Variants in MADD observed in about 807,000 individuals in gnomAD.
MADD encodes the protein MAP kinase-activating death domain protein.
A neutral mutation model predicts 176.7 loss-of-function variants in MADD; 109 were observed. That is an observed-to-expected ratio of 0.62 (90% CI 0.53 to 0.72). MADD has a LOEUF of 0.72. MADD is among the 30% of genes least tolerant of loss of function. The pLI is 0.00. For missense variants in MADD, 1,914 were observed against 2,045.5 expected (o/e 0.94, Z 1.24); for synonymous variants, 771 against 771.3 (o/e 1.00, Z 0.01).
intron 22 of MADD, among the ~76,000 whole-genome samples, chr11:47,300,973 A>G (rs923856437): frequency 7.5e-6 from 1 of 133,988 alleles, no homozygotes; most frequent in Non-Finnish European, 1.6e-5. Context: ...GTCAATTGTA[A>G]TGTTTACTTT....
At chr11:47,274,893 T>C (rs1427285917) in exon 3 of MADD, 3 of 1,613,930 alleles carry the variant, frequency 1.9e-6, no homozygotes, top group Non-Finnish European at 8.5e-7. Context: ...CAGAAGAGGG[T>C]GGCACTGAGA....
intron 22 of MADD, among the ~76,000 whole-genome samples, chr11:47,305,105 CAAG>C (rs2081549234): frequency 6.6e-6 from 1 of 152,092 alleles, no homozygotes. Context: ...TCCTTGGTGT[CAAG>C]GAGTTTTGGA....
intron 27 of MADD, among the ~76,000 whole-genome samples, chr11:47,318,653 C>T (rs1472531802): frequency 6.6e-6 from 1 of 152,158 alleles, no homozygotes; most frequent in African/African-American, 2.4e-5. Flanking sequence ...ATGCCTCTTC[C>T]TCGAAGTGGT....
intron 26 of MADD, 57 bp downstream of exon 29, chr11:47,311,899 C>A: frequency 9.1e-7 from 1 of 1,104,136 alleles, no homozygotes; most frequent in Non-Finnish European, 1.4e-6. Context: ...TGGTTTGTGT[C>A]ACTTGCAGTC....
exon 19 of MADD, chr11:47,290,743 A>G: frequency 6.2e-7 from 1 of 1,614,156 alleles, no homozygotes; most frequent in Non-Finnish European, 8.5e-7. Context: ...CTCGGGCACC[A>G]AGTGCCACAG....
At chr11:47,290,784 G>A in exon 19 of MADD, 1 of 1,613,004 alleles carries the variant, frequency 6.2e-7, no homozygotes. Context: ...GACACCAGAA[G>A]TTTAAAGGAA....
intron 7 of MADD, 87 bp from the exon 8 acceptor site, chr11:47,281,488 C>A: frequency 9.0e-7 from 1 of 1,111,774 alleles, no homozygotes; most frequent in Admixed American, 2.5e-5. Context: ...AGGTAGCAGA[C>A]CTTAGGAAGG....
rs562497719 is a variant in MADD at position 47,301,577 on chromosome 11, T to G, written c.3642+5522T>G. ...GATGTGACGTTTATTGCTATAAGCTTCTTTCTTAATACTGCTTTTGGTGTA... is the reference window on the plus strand; with the variant it reads ...GATGTGACGTTTATTGCTATAAGCTGCTTTCTTAATACTGCTTTTGGTGTA... On this transcript the variant is annotated intron_variant, in intron 22 of 32. Coordinates refer to ENST00000402192, the Ensembl canonical transcript of MADD. 2.0e-5 allele frequency among the ~76,000 whole-genome samples: 3 copies of G among 152,354 alleles called. No homozygotes were observed. The South Asian group carries it at 6.2e-4, about 32-fold the overall frequency.
At chr11:47,274,207 C>G (rs1342876971) in intron 2 of MADD, among the ~76,000 whole-genome samples, 2 of 152,178 alleles carry the variant, frequency 1.3e-5, no homozygotes, top group African/African-American at 2.4e-5. Context: ...CTCTTTATAC[C>G]TCAGTTTTCT....
At chr11:47,301,915 C>T (rs1475408876) in intron 22 of MADD, among the ~76,000 whole-genome samples, 1 of 152,140 alleles carries the variant, frequency 6.6e-6, no homozygotes, top group Non-Finnish European at 1.5e-5. Flanking sequence ...GTGTATTCTA[C>T]ACCTGTTGGA....
exon 3 of MADD, chr11:47,274,577 A>G (rs1274819256): frequency 4.3e-6 from 7 of 1,611,358 alleles, no homozygotes; most frequent in Non-Finnish European, 5.9e-6. Context: ...CCGAGCAGTG[A>G]TAGCGTGGCC....
intron 19 of MADD, among the ~76,000 whole-genome samples, chr11:47,292,166 T>C (rs901930749): frequency 6.6e-6 from 1 of 152,072 alleles, no homozygotes; most frequent in East Asian, 1.9e-4. Context: ...GTAGAGAGAG[T>C]GTGTGGCATG....
At chr11:47,319,128 TATA>T (rs1367315607) in intron 27 of MADD, among the ~76,000 whole-genome samples, 1 of 132,150 alleles carries the variant, frequency 7.6e-6, no homozygotes, top group Non-Finnish European at 1.6e-5. Context: ...TATATATATA[TATA>T]ATTTTTTTTT....
At chr11:47,294,089 C>CTTG (rs929949248) in intron 20 of MADD, 106 bp downstream of exon 22, 14 of 925,628 alleles carry the variant, frequency 1.5e-5, no homozygotes, top group Non-Finnish European at 2.0e-5. Flanking sequence ...GTGGCTCATG[C>CTTG]TTGTAATCCC....
chr11:47,306,402 T>C (rs375740950), intron 22 of MADD, among the ~76,000 whole-genome samples: 50 of 152,284 alleles, frequency 3.3e-4, no homozygotes, highest in African/African-American at 1.1e-3. Context: ...GCACAGTAGC[T>C]GCACAGGCCA....
At chr11:47,315,193 G>A (rs180681206) in intron 26 of MADD, 27 bp from the exon 30 acceptor site, 79 of 1,416,976 alleles carry the variant, frequency 5.6e-5, no homozygotes, top group Non-Finnish European at 7.6e-5. Flanking sequence ...ATGTATGACT[G>A]TCCCTAAAAA....
At chr11:47,289,663 T>TA (rs2063540604) in intron 16 of MADD, among the ~76,000 whole-genome samples, 170 bp downstream of exon 17, 1 of 152,180 alleles carries the variant, frequency 6.6e-6, no homozygotes, top group Non-Finnish European at 1.5e-5. Context: ...ACTGAAAGCT[T>TA]ACAGTGTTGA....
chr11:47,301,006 TGGA>T lies in MADD; in HGVS notation c.3642+4954_3642+4956del, dbSNP rs528741650. 3.2e-3 allele frequency among the ~76,000 whole-genome samples: 485 copies of T among 151,956 alleles called. 2 individuals are homozygous for T. Among genetic ancestry groups the T allele is most frequent in the African/African-American group, 0.011 (466 of 41,490 alleles). On this transcript the variant is annotated intron_variant, in intron 22 of 32. Transcript: ENST00000402192. ...TTTTTTGTTTTTGGTGTTTTCTTGG[TGGA>T]GGTCTTTTCACTCTCTCTCTTTTTT...
chr11:47,293,309 T>C (rs1215003546), intron 19 of MADD, among the ~76,000 whole-genome samples: 1 of 151,642 alleles, frequency 6.6e-6, no homozygotes, highest in Non-Finnish European at 1.5e-5. Flanking sequence ...CTTTTCTTTT[T>C]TTTTTTTTTT....
Sources: gnomAD v4.1 joint callset for allele counts (sites outside exome capture counted in the v4.1 genomes callset) on GRCh38, gnomAD v4.1.1 for gene constraint, MANE v1.5 for transcripts, NCBI Gene and HGNC (gene_info 2026-07-23, HGNC 2026-07-21) for gene names.